NPSR1: variants seen among roughly 807,000 people sequenced by gnomAD.
NPSR1 encodes neuropeptide S receptor 1, also known as neuropeptide S receptor.
A neutral mutation model predicts 46.9 loss-of-function variants in NPSR1; 48 were observed. The ratio of observed to expected loss-of-function variants is 1.02; its 90% CI spans 0.81 to 1.30. NPSR1 has a LOEUF of 1.30. NPSR1 is among the 50% of genes most tolerant of loss of function. The pLI is 0.00. For synonymous variants in NPSR1, 176 were observed against 168.1 expected, an observed-to-expected ratio of 1.05 and a Z score of -0.36; for missense variants, 450 against 449.5, an observed-to-expected ratio of 1.00 and a Z score of -0.01.
chr7:34,786,758 A>G (rs1012765452), intron 3 of NPSR1, among the ~76,000 whole-genome samples: 1 of 152,160 alleles, frequency 6.6e-6, no homozygotes, highest in Non-Finnish European at 1.5e-5. Context: ...CTTGGGTAAC[A>G]ATGTGCACTG....
intron 1 of NPSR1, among the ~76,000 whole-genome samples, chr7:34,682,855 GA>G (rs1487396568): frequency 6.6e-6 from 1 of 152,170 alleles, no homozygotes; most frequent in Non-Finnish European, 1.5e-5. Flanking sequence ...AAGAACCAGA[GA>G]AAAAGTGTGT....
intron 6 of NPSR1, among the ~76,000 whole-genome samples, chr7:34,843,943 G>A (rs1790658448): frequency 6.6e-6 from 1 of 152,182 alleles, no homozygotes; most frequent in Admixed American, 6.5e-5. Context: ...TGTGGGGCTG[G>A]CATTCTCTTC....
At position 34,675,041 on chromosome 7, in the gene NPSR1, T is replaced by C. The variant is rs774939753; in HGVS notation, c.148-9511T>C. 2.0e-4 allele frequency among the ~76,000 whole-genome samples: 31 copies of C among 152,320 alleles called. 1 individual carries two copies. Among genetic ancestry groups the C allele is most frequent in the South Asian group, 1.0e-3 (5 of 4,828 alleles). On this transcript the variant is annotated intron_variant, in intron 1 of 8. Transcript: ENST00000360581. ...CATGGTCTTTCCAGTTAAGCAAAAC[T>C]ACATGCAAATCCCAGCTGCATCACC...
chr7:34,827,342 A>G (rs895286310), intron 4 of NPSR1, 59 bp from the exon 5 acceptor site: 94 of 1,476,738 alleles, frequency 6.4e-5, no homozygotes, highest in Non-Finnish European at 8.5e-5. Context: ...AGCAGACTCC[A>G]TTGTGCTCCC....
chr7:34,862,947 A>G (rs1791222624), intron 8 of NPSR1, among the ~76,000 whole-genome samples: 1 of 151,804 alleles, frequency 6.6e-6, no homozygotes, highest in Non-Finnish European at 1.5e-5. Context: ...AAGATACTAC[A>G]GCAAGGAGGC....
At chr7:34,658,929 G>A (rs1289810039) in intron 1 of NPSR1, among the ~76,000 whole-genome samples, 2 of 152,114 alleles carry the variant, frequency 1.3e-5, no homozygotes, top group Non-Finnish European at 2.9e-5. Context: ...TGAGTTTTTT[G>A]CTAGGAACAC....
intron 4 of NPSR1, among the ~76,000 whole-genome samples, chr7:34,825,786 A>ACTCTGTCTT (rs1460608959): frequency 2.6e-5 from 4 of 152,048 alleles, no homozygotes; most frequent in Admixed American, 2.6e-4. Flanking sequence ...TCAAGCAAGA[A>ACTCTGTCTT]CTCTGTCTTC....
chr7:34,694,033 A>G (rs1288684672), intron 2 of NPSR1, among the ~76,000 whole-genome samples: 1 of 152,214 alleles, frequency 6.6e-6, no homozygotes, highest in East Asian at 1.9e-4. Context: ...ACAAACCTAC[A>G]GCCAACATTA....
At chr7:34,826,339 G>C (rs1789837638) in intron 4 of NPSR1, among the ~76,000 whole-genome samples, 1 of 152,160 alleles carries the variant, frequency 6.6e-6, no homozygotes, top group Non-Finnish European at 1.5e-5. Flanking sequence ...TTTTGGGTTT[G>C]GATTTTAATA....
intron 2 of NPSR1, among the ~76,000 whole-genome samples, chr7:34,757,109 C>A (rs1785904846): frequency 6.6e-6 from 1 of 152,138 alleles, no homozygotes; most frequent in Admixed American, 6.5e-5. Flanking sequence ...TTTTCTACTA[C>A]CTGTGGTGTT....
chr7:34,666,587 C>T (rs1791762893), intron 1 of NPSR1, among the ~76,000 whole-genome samples: 2 of 152,226 alleles, frequency 1.3e-5, no homozygotes, highest in African/African-American at 4.8e-5. Flanking sequence ...AAATTGAGTT[C>T]AGCAGCAACA....
chr7:34,752,148 C>T (rs1785572284), intron 2 of NPSR1: 1 of 447,586 alleles, frequency 2.2e-6, no homozygotes, highest in Non-Finnish European at 4.1e-6. Context: ...TATATACCTT[C>T]CAAACTATAT....
At chr7:34,679,239 G>A (rs1284758271) in intron 1 of NPSR1, among the ~76,000 whole-genome samples, 1 of 152,090 alleles carries the variant, frequency 6.6e-6, no homozygotes, top group Non-Finnish European at 1.5e-5. Context: ...TTACATATCA[G>A]TTACACAATA....
rs899067962 is a variant in NPSR1, at chr7:34,806,011, C to CA, written c.385-5751dup. ...CATCTATTAGATAATCACTAAAATT[C>CA]AAAAAAAACTGAAAATACCAATGGC... On this transcript the variant is annotated intron_variant, in intron 3 of 8. Coordinates refer to ENST00000360581, the MANE Select transcript of NPSR1 (RefSeq NM_207172.2). 5.3e-5 allele frequency among the ~76,000 whole-genome samples: 8 copies of CA among 151,302 alleles called. No homozygotes were observed. The South Asian group carries it at 6.3e-4, about 12-fold the overall frequency.
At chr7:34,833,418 TA>T (rs1790209709) in intron 5 of NPSR1, among the ~76,000 whole-genome samples, 1 of 152,114 alleles carries the variant, frequency 6.6e-6, no homozygotes, top group Non-Finnish European at 1.5e-5. Context: ...TGATATAGTA[TA>T]AAAAATAGGC....
At chr7:34,733,300 A>G (rs1784514680) in intron 2 of NPSR1, among the ~76,000 whole-genome samples, 1 of 152,102 alleles carries the variant, frequency 6.6e-6, no homozygotes, top group Non-Finnish European at 1.5e-5. Context: ...GTTGCCTGTA[A>G]TCCCAGCTAC....
chr7:34,731,090 A>C (rs1164500437), intron 2 of NPSR1, among the ~76,000 whole-genome samples: 1 of 152,212 alleles, frequency 6.6e-6, no homozygotes, highest in Non-Finnish European at 1.5e-5. Context: ...TTTACTGCAA[A>C]ATATAAAATT....
chr7:34,780,076 G>A (rs1312011188), intron 3 of NPSR1, among the ~76,000 whole-genome samples: 1 of 152,100 alleles, frequency 6.6e-6, no homozygotes, highest in Non-Finnish European at 1.5e-5. Context: ...CATAGTAGCT[G>A]GCTTTTCCAA....
intron 4 of NPSR1, 35 bp downstream of exon 4, chr7:34,811,898 A>C: frequency 1.4e-6 from 2 of 1,412,376 alleles, no homozygotes; most frequent in Non-Finnish European, 2.0e-6. Context: ...TTTCATAAAG[A>C]ACTGTCCTTG....
Sources: allele counts gnomAD v4.1 joint callset (sites outside exome capture counted in the v4.1 genomes callset), GRCh38; gene constraint gnomAD v4.1.1; transcripts MANE v1.5; gene names NCBI Gene and HGNC (gene_info 2026-07-23, HGNC 2026-07-21).